Variants in ATP11C observed in about 807,000 individuals in gnomAD.
ATP11C encodes phospholipid-transporting ATPase IG.
ATP11C carries 36 observed loss-of-function variants against 97.4 expected under a neutral mutation model. That is an observed-to-expected ratio of 0.37 (90% CI 0.28 to 0.49). ATP11C has a LOEUF of 0.49. Ranked by LOEUF, ATP11C falls within the 20% of genes least tolerant of loss-of-function variation. ATP11C has a pLI of 0.98. For synonymous variants in ATP11C, 275 were observed against 290.9 expected (o/e 0.95, Z 0.56); for missense variants, 730 against 824.6 (o/e 0.89, Z 1.40).
intron 1 of ATP11C, among the ~76,000 whole-genome samples, chrX:139,897,947 G>C (rs2084837898): frequency 2.8e-5 from 3 of 106,691 alleles, no homozygotes. Context: ...AAAAAAAAAA[G>C]CAGCAGCAGC....
intron 3 of ATP11C, among the ~76,000 whole-genome samples, chrX:139,818,875 C>T (rs1314265113): frequency 1.8e-5 from 2 of 112,061 alleles, no homozygotes; most frequent in Non-Finnish European, 3.8e-5. Context: ...TACAGAGAAG[C>T]AGATTGATCT....
chrX:139,919,444 AACACACACACACACACAC>A (rs370999462), intron 1 of ATP11C, among the ~76,000 whole-genome samples: 18 of 73,941 alleles, frequency 2.4e-4, no homozygotes, highest in South Asian at 1.7e-3. Flanking sequence ...CTCAAACTTA[AACACACACACACACACAC>A]ACACACACAC....
chrX:139,750,217 T>C, intron 23 of ATP11C, 65 bp from the exon 24 acceptor site: 4 of 1,053,011 alleles, frequency 3.8e-6, no homozygotes, highest in Admixed American at 2.7e-5. Context: ...AAGATGATAC[T>C]TATGTATGTG....
At chrX:139,763,677 A>G (rs1051695977) in intron 20 of ATP11C, among the ~76,000 whole-genome samples, 5 of 112,306 alleles carry the variant, frequency 4.5e-5, no homozygotes, top group Non-Finnish European at 9.4e-5. Flanking sequence ...TGCTATGTAA[A>G]TAGCTGTCAT....
intron 29 of ATP11C, 123 bp from the exon 30 acceptor site, chrX:139,729,085 G>C: frequency 2.1e-6 from 1 of 487,378 alleles, no homozygotes; most frequent in Non-Finnish European, 3.4e-6. Context: ...TCTTAACAAA[G>C]TGCCAAGTTT....
At chrX:139,784,234 G>A (rs953867090) in intron 16 of ATP11C, among the ~76,000 whole-genome samples, 17 of 111,605 alleles carry the variant, frequency 1.5e-4, no homozygotes, top group South Asian at 1.5e-3. Context: ...ATGTGGACAT[G>A]CACACATAAG....
At position 139,883,758 on chromosome X, in the gene ATP11C, A is replaced by C. The variant is rs772083751; in HGVS notation, c.27+48258T>G. Among the ~76,000 whole-genome samples, 3 of 111,945 alleles carry C rather than the reference A, an allele frequency of 2.7e-5. No individual in the cohort carries two copies. In the South Asian group the frequency reaches 1.1e-3, roughly 42 times the overall value. On this transcript the variant is annotated intron_variant, in intron 1 of 29. Transcript: ENST00000682941. ...TGGAAAAGAGTAAAATAAATTTTACAGACTGAATATACAATTGGGGAAAAT... is the reference window on the plus strand; with the variant it reads ...TGGAAAAGAGTAAAATAAATTTTACCGACTGAATATACAATTGGGGAAAAT...
intron 23 of ATP11C, among the ~76,000 whole-genome samples, chrX:139,750,381 T>A (rs1569431961): frequency 8.9e-6 from 1 of 111,813 alleles, no homozygotes; most frequent in Non-Finnish European, 1.9e-5. Flanking sequence ...CAGAATCTTA[T>A]TCAGAATGTT....
intron 1 of ATP11C, among the ~76,000 whole-genome samples, chrX:139,900,906 T>C (rs1404756563): frequency 1.8e-5 from 2 of 111,870 alleles, no homozygotes; most frequent in African/African-American, 3.2e-5. Flanking sequence ...GGTGATTAGA[T>C]CATGGCAGTG....
At chrX:139,926,264 C>G (rs763780452) in intron 1 of ATP11C, among the ~76,000 whole-genome samples, 4 of 111,331 alleles carry the variant, frequency 3.6e-5, no homozygotes, top group Non-Finnish European at 5.7e-5. Context: ...CTGTATAAAG[C>G]ACTACAGATG....
At chrX:139,832,004 G>A in intron 1 of ATP11C, 2 of 556,356 alleles carry the variant, frequency 3.6e-6, no homozygotes, top group Non-Finnish European at 5.6e-6. Flanking sequence ...GATAGGAGCA[G>A]TGAGGCTGAA....
intron 1 of ATP11C, among the ~76,000 whole-genome samples, chrX:139,850,032 A>G (rs1436780661): frequency 8.9e-6 from 1 of 112,012 alleles, no homozygotes; most frequent in African/African-American, 3.2e-5. Flanking sequence ...TTAGAAATGA[A>G]TTTCTTTTAT....
chrX:139,859,963 G>T, intron 1 of ATP11C, among the ~76,000 whole-genome samples: 1 of 94,478 alleles, frequency 1.1e-5, no homozygotes, highest in East Asian at 3.6e-4. Context: ...AAATTAGCCG[G>T]GCGTAGTGGC....
At chrX:139,791,871 T>C (rs2052931647) in intron 12 of ATP11C, among the ~76,000 whole-genome samples, 1 of 111,644 alleles carries the variant, frequency 9.0e-6, no homozygotes, top group Admixed American at 9.6e-5. Context: ...CTCAAAGCCA[T>C]CATTTGCGTG....
intron 27 of ATP11C, among the ~76,000 whole-genome samples, chrX:139,739,764 C>T (rs1364738090): frequency 3.6e-5 from 4 of 111,195 alleles, no homozygotes; most frequent in Non-Finnish European, 7.6e-5. Context: ...AGTTCAGATG[C>T]TGATTACATA....
At chrX:139,830,041 C>CA (rs1234713184) in intron 1 of ATP11C, among the ~76,000 whole-genome samples, 1 of 111,618 alleles carries the variant, frequency 9.0e-6, no homozygotes, top group African/African-American at 3.3e-5. Flanking sequence ...TGAAGAAAAA[C>CA]AGAGACCTCA....
intron 18 of ATP11C, among the ~76,000 whole-genome samples, chrX:139,776,584 G>A (rs2082353991): frequency 9.0e-6 from 1 of 111,151 alleles, no homozygotes; most frequent in Non-Finnish European, 1.9e-5. Flanking sequence ...ACCCCTCCTT[G>A]TTCCTTTCCC....
rs750027589 is a variant in ATP11C, at chrX:139,757,856, G to T, written c.2652C>A (p.Phe884Leu). Residue 884 changes from phenylalanine (F) to leucine (L), a missense_variant, in exon 23 of 30, where the codon TTC becomes TTA. Coordinates refer to ENST00000682941, the MANE Select transcript of ATP11C (RefSeq NM_001353812.2). ...VQYFFYKNLC[F>L]ILPQFLYQFF... ...ACTGGTACAAAAACTGTGGCAAAAT[G>T]AAACAAAGGTTCTGAAAAAAAAAAA... The T allele has an allele frequency of 8.5e-7, 1 of 1,174,060 alleles. No homozygotes were observed. Among genetic ancestry groups the T allele is most frequent in the Non-Finnish European group, 1.1e-6 (1 of 873,861 alleles).
At chrX:139,808,990 G>GT (rs924107118) in intron 5 of ATP11C, among the ~76,000 whole-genome samples, 2 of 110,215 alleles carry the variant, frequency 1.8e-5, no homozygotes, top group African/African-American at 6.6e-5. Flanking sequence ...CCACATGCCT[G>GT]TAACCCCAGC....
Sources: gnomAD v4.1 joint callset for allele counts (sites outside exome capture counted in the v4.1 genomes callset) on GRCh38, gnomAD v4.1.1 for gene constraint, MANE v1.5 for transcripts, NCBI Gene and HGNC (gene_info 2026-07-23, HGNC 2026-07-21) for gene names.